DPY19L2: variants seen among roughly 807,000 people sequenced by gnomAD.
DPY19L2 encodes the protein probable C-mannosyltransferase DPY19L2.
A neutral mutation model predicts 97.9 loss-of-function variants in DPY19L2; 34 were observed. The observed-to-expected ratio is 0.35, with a 90% CI of 0.26 to 0.46. The LOEUF (loss-of-function observed/expected upper bound fraction) is 0.46. Ranked by LOEUF, DPY19L2 falls within the 20% of genes least tolerant of loss-of-function variation. The pLI is 1.00. For missense variants in DPY19L2, 623 were observed against 911.4 expected (o/e 0.68, Z 4.07); for synonymous variants, 230 against 307.9 (o/e 0.75, Z 2.65).
chr12:63,564,800 C>T (rs561548834), intron 21 of DPY19L2, among the ~76,000 whole-genome samples: 44 of 152,070 alleles, frequency 2.9e-4, no homozygotes, highest in Non-Finnish European at 5.0e-4. Flanking sequence ...TTTATTTGTT[C>T]TACAAATTAT....
chr12:63,603,527 C>T (rs1203935670), intron 12 of DPY19L2, among the ~76,000 whole-genome samples: 1 of 152,136 alleles, frequency 6.6e-6, no homozygotes. Flanking sequence ...CCTTCCCCTA[C>T]CCTCCCCTGA....
At chr12:63,617,485 T>C (rs1888046662) in intron 10 of DPY19L2, 95 bp from the exon 11 acceptor site, 15 of 735,260 alleles carry the variant, frequency 2.0e-5, no homozygotes, top group Non-Finnish European at 3.3e-5. Flanking sequence ...TGCAAATTTA[T>C]TTGCATAAAG....
intron 6 of DPY19L2, among the ~76,000 whole-genome samples, chr12:63,632,488 C>A (rs1374037625): frequency 6.6e-6 from 1 of 152,090 alleles, no homozygotes; most frequent in Non-Finnish European, 1.5e-5. Flanking sequence ...GAATAAAGTA[C>A]CTAGGAATCC....
At chr12:63,647,796 A>G (rs931572476) in intron 4 of DPY19L2, among the ~76,000 whole-genome samples, 1 of 152,200 alleles carries the variant, frequency 6.6e-6, no homozygotes, top group Non-Finnish European at 1.5e-5. Context: ...GATAACTGCA[A>G]TAGAGTAGAG....
At chr12:63,591,360 A>G (rs1462846810) in intron 16 of DPY19L2, among the ~76,000 whole-genome samples, 2 of 152,202 alleles carry the variant, frequency 1.3e-5, no homozygotes, top group East Asian at 1.9e-4. Context: ...TATTCTATTT[A>G]CAAATATAAA....
chr12:63,661,302 G>C, intron 4 of DPY19L2, 42 bp downstream of exon 4: 1 of 1,500,300 alleles, frequency 6.7e-7, no homozygotes, highest in Middle Eastern at 1.8e-4. Context: ...CTGACAAAGA[G>C]GATCACTCTA....
chr12:63,611,438 G>C (rs9668138), intron 11 of DPY19L2, among the ~76,000 whole-genome samples: 1 of 151,680 alleles, frequency 6.6e-6, no homozygotes, highest in Non-Finnish European at 1.5e-5. Context: ...AGAAAACACA[G>C]CCCCGATATG....
At chr12:63,634,995 C>T (rs777212140) in intron 6 of DPY19L2, among the ~76,000 whole-genome samples, 1 of 152,204 alleles carries the variant, frequency 6.6e-6, no homozygotes, top group Non-Finnish European at 1.5e-5. Context: ...CAAGTGGGTC[C>T]CTGACCTCCG....
At chr12:63,592,369 C>G (rs1160163765) in intron 16 of DPY19L2, among the ~76,000 whole-genome samples, 112 of 149,978 alleles carry the variant, frequency 7.5e-4, no homozygotes, top group African/African-American at 2.7e-3. Flanking sequence ...GGAGGCATCA[C>G]GCTACCTGAC....
chr12:63,655,747 G>GA (rs1894885339), intron 4 of DPY19L2, among the ~76,000 whole-genome samples: 1 of 151,918 alleles, frequency 6.6e-6, no homozygotes, highest in Admixed American at 6.6e-5. Flanking sequence ...GAAGGGTCGG[G>GA]GGGTGGGTTT....
In DPY19L2 at chr12:63,559,017, A is replaced by G. The variant is rs536209893; in HGVS notation, c.*1495T>C. The G allele has an allele frequency of 3.9e-5, 6 of 152,202 alleles. No homozygotes were observed. In the South Asian group the frequency reaches 1.0e-3, roughly 26 times the overall value. The allele number at this position is 152,202 out of a possible 1,614,324, so 9.4% of individuals were successfully genotyped here. A position where few individuals can be genotyped will look rare whatever the true frequency, so the allele number is the denominator to read the frequency against. On this transcript the variant is annotated 3_prime_UTR_variant, in exon 22 of 22. Coordinates refer to ENST00000324472, the MANE Select transcript of DPY19L2 (RefSeq NM_173812.5). ...CAGTACCATTTTAAAAGTTCTACCA[A>G]CTTATTTAAAATATTTCCTGTAAAA...
At chr12:63,573,830 A>G (rs553636976) in intron 19 of DPY19L2, among the ~76,000 whole-genome samples, 2 of 152,278 alleles carry the variant, frequency 1.3e-5, no homozygotes, top group African/African-American at 4.8e-5. Flanking sequence ...TAGTGTATCC[A>G]GAGAAAATGT....
intron 6 of DPY19L2, among the ~76,000 whole-genome samples, chr12:63,633,143 A>G (rs1356658642): frequency 2.0e-5 from 3 of 152,182 alleles, no homozygotes; most frequent in African/African-American, 7.2e-5. Context: ...ACCATTCAGG[A>G]CATAGGCATG....
chr12:63,590,202 C>T (rs1053462846), intron 16 of DPY19L2, among the ~76,000 whole-genome samples: 1 of 152,032 alleles, frequency 6.6e-6, no homozygotes, highest in Non-Finnish European at 1.5e-5. Context: ...TAAACAAACA[C>T]ATGAAAAGCT....
chr12:63,627,630 G>A (rs397834777), intron 6 of DPY19L2, among the ~76,000 whole-genome samples: 36 of 152,260 alleles, frequency 2.4e-4, no homozygotes, highest in East Asian at 7.7e-4. Flanking sequence ...GATTACAGGC[G>A]TGAGCCACCG....
intron 16 of DPY19L2, among the ~76,000 whole-genome samples, chr12:63,586,871 AT>A (rs1881882120): frequency 6.6e-6 from 1 of 152,208 alleles, no homozygotes; most frequent in Non-Finnish European, 1.5e-5. Context: ...TTCAGCGAGT[AT>A]CAAGAAAATA....
chr12:63,628,578 C>G (rs1471316434), intron 6 of DPY19L2, among the ~76,000 whole-genome samples: 1 of 152,148 alleles, frequency 6.6e-6, no homozygotes, highest in Non-Finnish European at 1.5e-5. Context: ...GAAGCTCGAA[C>G]AGGGTGGAGC....
At chr12:63,576,778 A>C (rs989485104) in intron 19 of DPY19L2, among the ~76,000 whole-genome samples, 12 of 152,026 alleles carry the variant, frequency 7.9e-5, no homozygotes, top group African/African-American at 2.9e-4. Flanking sequence ...CTGGAGAAAG[A>C]AATTGAAGAA....
At chr12:63,625,953 A>G (rs1202721953) in intron 7 of DPY19L2, among the ~76,000 whole-genome samples, 1 of 147,722 alleles carries the variant, frequency 6.8e-6, no homozygotes, top group South Asian at 2.1e-4. Flanking sequence ...TATATAATAT[A>G]TAAGTTTTTA....
Sources: gnomAD v4.1 joint callset for allele counts (sites outside exome capture counted in the v4.1 genomes callset) on GRCh38, gnomAD v4.1.1 for gene constraint, MANE v1.5 for transcripts, NCBI Gene and HGNC (gene_info 2026-07-23, HGNC 2026-07-21) for gene names.